Variants in CHD5 observed in about 807,000 individuals in gnomAD.
CHD5 encodes the protein ATP-dependent chromatin remodeler CHD5.
CHD5 carries 69 observed loss-of-function variants against 230.3 expected under a neutral mutation model. The ratio of observed to expected loss-of-function variants is 0.30; its 90% CI spans 0.25 to 0.37. The LOEUF is 0.37. CHD5 is among the 10% of genes least tolerant of loss of function. CHD5 has a pLI of 1.00. For synonymous variants in CHD5, 1,064 were observed against 1,065.9 expected (o/e 1.00, Z 0.03); for missense variants, 1,827 against 2,622.8 (o/e 0.70, Z 6.63).
intron 29 of CHD5, 27 bp from the exon 30 acceptor site, chr1:6,124,688 T>A: frequency 5.3e-6 from 4 of 751,042 alleles, no homozygotes; most frequent in African/African-American, 4.4e-5. Flanking sequence ...GGACTGGGGC[T>A]CAGGGAGTGG....
intron 38 of CHD5, among the ~76,000 whole-genome samples, chr1:6,109,163 C>A (rs1378645061): frequency 6.6e-6 from 1 of 152,024 alleles, no homozygotes; most frequent in Non-Finnish European, 1.5e-5. Context: ...AGAAGCGCTG[C>A]CTGACGCTGG....
At chr1:6,177,668 G>C (rs1667446411) in intron 1 of CHD5, among the ~76,000 whole-genome samples, 2 of 152,208 alleles carry the variant, frequency 1.3e-5, no homozygotes, top group African/African-American at 4.8e-5. Flanking sequence ...AGAGTGACTG[G>C]AAGGCCCTTA....
Position 6,109,951 on chromosome 1 carries a change from TC to T in CHD5, c.5421del (p.Arg1808GlyfsTer5). ...EQALVIEEQLRRAAYLNMTQD... is the reference protein window; with the variant it reads ...EQALVIEEQLXRAAYLNMTQD... ...TGCGTCATGTTCAGGTACGCGGCCCTCCGGAGCTGCTCCTCAATGACCAACG... is the reference window on the plus strand; with the variant it reads ...TGCGTCATGTTCAGGTACGCGGCCCTCGGAGCTGCTCCTCAATGACCAACG... On this transcript the variant is annotated frameshift_variant, in exon 38 of 42. Coordinates refer to ENST00000262450, the MANE Select transcript of CHD5 (RefSeq NM_015557.3). LOFTEE classifies it high-confidence loss of function. 6.3e-7 allele frequency: 1 copy of T among 1,579,276 alleles called. No individual in the cohort carries two copies. Among genetic ancestry groups the T allele is most frequent in the Non-Finnish European group, 8.6e-7 (1 of 1,164,364 alleles).
chr1:6,130,358 GT>G lies in CHD5; in HGVS notation c.3263-31del, dbSNP rs1666635255. The G allele has an allele frequency of 6.2e-7, 1 of 1,609,050 alleles. No individual in the cohort carries two copies. The highest frequency in any genetic ancestry group is 1.3e-5 in the African/African-American group (1 of 74,768). On this transcript the variant is annotated intron_variant, in intron 21 of 41. Transcript: ENST00000262450. This position sits in a 1 kb window ranked among gnomAD's most constrained non-coding sequence, Gnocchi z 4.9. ...AAAAGAGAGGCCAGCAGATGGGAGT[GT>G]TTGGGGGGGTACACCTTGGGTGGGC...
chr1:6,121,373 A>G lies in CHD5; in HGVS notation c.4779+121T>C, dbSNP rs1446561922. The G allele has an allele frequency of 2.0e-6, 3 of 1,496,052 alleles. No individual in the cohort carries two copies. The allele number at this position is 1,496,052 out of a possible 1,614,324, so 92.7% of individuals were successfully genotyped here. The stretch of plus-strand genomic sequence containing the variant: ...CCTAGCCTGCTCCCCGCCGATTCAG[A>G]GCCCCGAAAAGGGAGCCAGGAGGCC... On this transcript the variant is annotated intron_variant, in intron 32 of 41. Coordinates refer to ENST00000262450, the MANE Select transcript of CHD5 (RefSeq NM_015557.3). The surrounding 1 kb of genome is among the most constrained non-coding windows in gnomAD (Gnocchi z 4.5).
chr1:6,121,416 T>C lies in CHD5; in HGVS notation c.4779+78A>G. The C allele has an allele frequency of 6.7e-7, 1 of 1,492,298 alleles. No homozygotes were observed. The highest frequency in any genetic ancestry group is 9.2e-7 in the Non-Finnish European group (1 of 1,082,920). 92.4% of individuals were successfully genotyped at this position (1,492,298 alleles called of 1,614,324 possible). ...AGGAGGCCTGGGTTCCACCTCGCTG[T>C]ACAGGGCCTGAGAAGGTCCCCAGAC... On this transcript the variant is annotated intron_variant, in intron 32 of 41. Transcript: ENST00000262450. This position sits in a 1 kb window ranked among gnomAD's most constrained non-coding sequence, Gnocchi z 4.5.
Position 6,139,117 on chromosome 1 carries a change from T to C in CHD5, c.2437-2252A>G, listed in dbSNP as rs531040487. On this transcript the variant is annotated intron_variant, in intron 15 of 41. Transcript: ENST00000262450. ...TGCCAGGGGCTCGAGGTGGTGGGGA[T>C]GTTCATGTTTAATGGGGACAGTTTC... Among the ~76,000 whole-genome samples, 3 of 152,232 alleles carry C rather than the reference T, an allele frequency of 2.0e-5. No individual in the cohort carries two copies. The South Asian group carries it at 6.2e-4, about 32-fold the overall frequency.
Position 6,121,142 on chromosome 1 carries a change from C to T in CHD5, c.4875G>A (p.Thr1625=), listed in dbSNP as rs768806332. ...GCTCCGGGGAGGGCGGGGCCTTCTC[C>T]GTCTCCTCTGGCCGCTCCTCTCGGG... ...ERAREERPEE[T]EKAPPSPEQL... is the part of the protein sequence containing the mutation. Residue 1625 remains threonine, a synonymous_variant, in exon 33 of 42, where the codon ACG becomes ACA. Transcript: ENST00000262450. The surrounding 1 kb of genome is among the most constrained non-coding windows in gnomAD (Gnocchi z 4.5). 1.7e-5 allele frequency: 28 copies of T among 1,612,448 alleles called. No homozygotes were observed. The highest frequency in any genetic ancestry group is 6.7e-5 in the Admixed American group (4 of 59,600).
chr1:6,115,396 C>T (rs1429679165), intron 33 of CHD5, among the ~76,000 whole-genome samples: 1 of 152,200 alleles, frequency 6.6e-6, no homozygotes, highest in African/African-American at 2.4e-5. Context: ...AGGACAAACT[C>T]GACTCCCCAG....
chr1:6,175,707 T>C (rs1284255857), intron 1 of CHD5, among the ~76,000 whole-genome samples: 17 of 151,284 alleles, frequency 1.1e-4, no homozygotes, highest in South Asian at 2.1e-4. Context: ...GATGGATGGA[T>C]GGACGGACGG....
intron 1 of CHD5, among the ~76,000 whole-genome samples, chr1:6,170,248 A>G (rs1402441220): frequency 6.6e-6 from 1 of 152,048 alleles, no homozygotes; most frequent in Admixed American, 6.5e-5. Context: ...ACGCACAGAC[A>G]TGCATGTGCA....
intron 6 of CHD5, 47 bp downstream of exon 6, chr1:6,152,365 C>T: frequency 1.3e-6 from 2 of 1,583,076 alleles, no homozygotes; most frequent in South Asian, 1.1e-5. Context: ...TGTGCAGACA[C>T]ACATGCATGC....
Position 6,129,090 on chromosome 1 carries a change from G to A in CHD5, c.3388-21C>T. ...AAGGCCTGGGGAGACCTGCACCTCA[G>A]CACCCGTGGCTCACCCAGGGCTCCA... On this transcript the variant is annotated intron_variant, in intron 22 of 41. Coordinates refer to ENST00000262450, the MANE Select transcript of CHD5 (RefSeq NM_015557.3). This position sits in a 1 kb window ranked among gnomAD's most constrained non-coding sequence, Gnocchi z 6.8. 6.4e-7 allele frequency: 1 copy of A among 1,564,900 alleles called. No homozygotes were observed. Among genetic ancestry groups the A allele is most frequent in the Non-Finnish European group, 8.7e-7 (1 of 1,146,380 alleles).
At position 6,129,110 on chromosome 1, in the gene CHD5, G is replaced by T. The variant is rs781634775; in HGVS notation, c.3388-41C>A. On this transcript the variant is annotated intron_variant, in intron 22 of 41. Transcript: ENST00000262450. This position sits in a 1 kb window ranked among gnomAD's most constrained non-coding sequence, Gnocchi z 6.8. ...CCTCAGCACCCGTGGCTCACCCAGG[G>T]CTCCAGGCAATGGAGGAGATCACAC... The T allele has an allele frequency of 2.1e-6, 3 of 1,439,486 alleles. No individual in the cohort carries two copies. Among genetic ancestry groups the T allele is most frequent in the Non-Finnish European group, 9.6e-7 (1 of 1,038,660 alleles). 89.2% of individuals were successfully genotyped at this position (1,439,486 alleles called of 1,614,324 possible).
Position 6,148,940 on chromosome 1 carries a change from C to T in CHD5, c.1297G>A (p.Ala433Thr). Reference protein sequence around the residue: ...KDGGELLCCDACPSSYHLHCL... With the variant: ...KDGGELLCCDTCPSSYHLHCL... Reference sequence around the variant, plus strand: ...TGCAGGTGGTAGGAGGAGGGGCAGGCGTCGCAGCAGAGCAGCTCGCCCCCG... The same window carrying T: ...TGCAGGTGGTAGGAGGAGGGGCAGGTGTCGCAGCAGAGCAGCTCGCCCCCG... The change falls in exon 9 of 42, where the codon GCC (alanine) becomes ACC (threonine). Residue 433 changes from alanine to threonine, a missense_variant. Coordinates refer to ENST00000262450, the MANE Select transcript of CHD5 (RefSeq NM_015557.3). 6.3e-7 allele frequency: 1 copy of T among 1,594,788 alleles called. No homozygotes were observed. The highest frequency in any genetic ancestry group is 8.5e-7 in the Non-Finnish European group (1 of 1,170,968).
At chr1:6,150,457 G>A (rs1474008201) in intron 7 of CHD5, among the ~76,000 whole-genome samples, 1 of 148,540 alleles carries the variant, frequency 6.7e-6, no homozygotes, top group Non-Finnish European at 1.5e-5. Context: ...TGGATGGATG[G>A]ATGGATGGAC....
intron 1 of CHD5, among the ~76,000 whole-genome samples, chr1:6,175,292 T>A (rs1487843443): frequency 4.2e-5 from 6 of 142,738 alleles, no homozygotes; most frequent in African/African-American, 1.6e-4. Context: ...GGATGGATGG[T>A]GGATGGATGA....
At chr1:6,124,380 C>T (rs1325396273) in intron 30 of CHD5, 137 bp downstream of exon 30, 19 of 1,021,306 alleles carry the variant, frequency 1.9e-5, no homozygotes, top group Middle Eastern at 2.1e-4. Flanking sequence ...CAGGTCAGTC[C>T]CTCTGGAGTG....
At chr1:6,141,237 C>T (rs1402899193) in intron 15 of CHD5, among the ~76,000 whole-genome samples, 3 of 150,848 alleles carry the variant, frequency 2.0e-5, no homozygotes, top group East Asian at 2.0e-4. Context: ...GAGCTGAGAT[C>T]GTGCCATACT....
Sources: allele counts gnomAD v4.1 joint callset (sites outside exome capture counted in the v4.1 genomes callset), GRCh38; gene constraint gnomAD v4.1.1; non-coding constraint Gnocchi (gnomAD v3.1); transcripts MANE v1.5; gene names NCBI Gene and HGNC (gene_info 2026-07-23, HGNC 2026-07-21).